MACROD2: variants seen among roughly 807,000 people sequenced by gnomAD.
MACROD2 encodes mono-ADP ribosylhydrolase 2.
Under a neutral mutation model 70.4 loss-of-function variants are expected in MACROD2, and 36 were observed. The observed-to-expected ratio is 0.51, with a 90% confidence interval of 0.39 to 0.68. The LOEUF (loss-of-function observed/expected upper bound fraction) is 0.68. Ranked by LOEUF, MACROD2 falls within the 30% of genes least tolerant of loss-of-function variation. The pLI is 0.00. For synonymous variants in MACROD2, 172 were observed against 178.8 expected (o/e 0.96, Z 0.30); for missense variants, 496 against 538.4 (o/e 0.92, Z 0.78).
chr20:14,387,501 T>C (rs6135135), intron 3 of MACROD2, among the ~76,000 whole-genome samples: 49,127 of 152,118 alleles, frequency 0.32, 8,147 homozygotes, highest in Admixed American at 0.4. Flanking sequence ...AAAAAGTGTC[T>C]ATCTTTTTAA....
At chr20:16,011,021 T>C (rs2066856219) in intron 15 of MACROD2, among the ~76,000 whole-genome samples, 1 of 152,198 alleles carries the variant, frequency 6.6e-6, no homozygotes, top group Non-Finnish European at 1.5e-5. Flanking sequence ...TGTATAACAC[T>C]TGGGACAGAG....
At chr20:15,602,015 G>A (rs200781) in intron 8 of MACROD2, among the ~76,000 whole-genome samples, 15,425 of 144,298 alleles carry the variant, frequency 0.11, 873 homozygotes, top group Middle Eastern at 0.14. Context: ...ACAACAGAGC[G>A]AGACTCAGTC....
chr20:15,455,755 A>G (rs2046716193), intron 7 of MACROD2, among the ~76,000 whole-genome samples: 1 of 151,932 alleles, frequency 6.6e-6, no homozygotes, highest in African/African-American at 2.4e-5. Context: ...TTCATTACCC[A>G]TTTTTCTTTC....
chr20:15,628,765 A>C (rs1385692937), intron 8 of MACROD2, among the ~76,000 whole-genome samples: 1 of 152,226 alleles, frequency 6.6e-6, no homozygotes, highest in Non-Finnish European at 1.5e-5. Flanking sequence ...GTCTGGGTTC[A>C]GCTGGAATGA....
chr20:14,616,453 C>T (rs1192664573), intron 4 of MACROD2, among the ~76,000 whole-genome samples: 1 of 152,030 alleles, frequency 6.6e-6, no homozygotes, highest in Non-Finnish European at 1.5e-5. Flanking sequence ...AATTCAAATT[C>T]TCTTTAAATG....
At chr20:14,004,093 C>G (rs1486085739) in intron 2 of MACROD2, among the ~76,000 whole-genome samples, 1 of 152,176 alleles carries the variant, frequency 6.6e-6, no homozygotes, top group East Asian at 1.9e-4. Context: ...GCTGGTTCAG[C>G]ATTCCTAATC....
At chr20:15,704,238 C>T (rs1469014161) in intron 8 of MACROD2, among the ~76,000 whole-genome samples, 1 of 152,114 alleles carries the variant, frequency 6.6e-6, no homozygotes, top group Non-Finnish European at 1.5e-5. Flanking sequence ...TTCTCTGAAT[C>T]CTTTAGCCTG....
intron 5 of MACROD2, among the ~76,000 whole-genome samples, chr20:15,205,976 A>G (rs950048741): frequency 6.6e-6 from 1 of 152,110 alleles, no homozygotes; most frequent in African/African-American, 2.4e-5. Flanking sequence ...CAGTAAAGCA[A>G]TTTGCAAGGA....
At chr20:15,294,094 C>G (rs1362380936) in intron 6 of MACROD2, among the ~76,000 whole-genome samples, 1 of 145,126 alleles carries the variant, frequency 6.9e-6, no homozygotes, top group African/African-American at 2.6e-5. Context: ...GCACTCCAGC[C>G]TGGGTGACAA....
chr20:14,673,136 A>G (rs1010538381), intron 4 of MACROD2, among the ~76,000 whole-genome samples: 28 of 152,190 alleles, frequency 1.8e-4, no homozygotes, highest in Non-Finnish European at 2.9e-4. Flanking sequence ...CTTGCTTTCA[A>G]TGCAGACTTT....
At chr20:14,039,425 A>G (rs976642259) in intron 2 of MACROD2, among the ~76,000 whole-genome samples, 6 of 152,188 alleles carry the variant, frequency 3.9e-5, no homozygotes, top group Non-Finnish European at 8.8e-5. Flanking sequence ...GTCTTGTTTT[A>G]AATCTTATGT....
chr20:14,610,506 A>C lies in MACROD2; in HGVS notation c.302-74337A>C, dbSNP rs535677977. On this transcript the variant is annotated intron_variant, in intron 4 of 17. Transcript: ENST00000684519. Reference sequence around the variant, plus strand: ...CACTGCTAAGTTCATTTCTCAGGTCAGCAATAATGTTGGGATAAATTCATA... The same window carrying C: ...CACTGCTAAGTTCATTTCTCAGGTCCGCAATAATGTTGGGATAAATTCATA... 1.5e-3 allele frequency among the ~76,000 whole-genome samples: 221 copies of C among 152,246 alleles called. 1 individual carries two copies. The highest frequency in any genetic ancestry group is 2.6e-3 in the Non-Finnish European group (180 of 67,992).
intron 5 of MACROD2, among the ~76,000 whole-genome samples, chr20:15,055,797 CTTT>C (rs11482233): frequency 1.5e-5 from 2 of 136,794 alleles, no homozygotes. Context: ...AAAGCAACAT[CTTT>C]TTTTTTTTTT....
intron 9 of MACROD2, among the ~76,000 whole-genome samples, chr20:15,867,788 C>T (rs547549269): frequency 1.2e-4 from 19 of 152,054 alleles, no homozygotes; most frequent in Admixed American, 3.9e-4. Context: ...CGGTTTATAA[C>T]GGTATTAAAG....
chr20:14,732,382 A>G (rs2071609549), intron 5 of MACROD2, among the ~76,000 whole-genome samples: 2 of 152,128 alleles, frequency 1.3e-5, no homozygotes, highest in Admixed American at 6.6e-5. Flanking sequence ...TGTTTTCATA[A>G]CTTCAACCTT....
At chr20:14,479,583 T>C (rs1326488748) in intron 3 of MACROD2, among the ~76,000 whole-genome samples, 1 of 152,140 alleles carries the variant, frequency 6.6e-6, no homozygotes, top group Non-Finnish European at 1.5e-5. Flanking sequence ...CAGTTCACCC[T>C]CCTTTTGCAC....
chr20:14,259,894 C>T (rs1034299402), intron 3 of MACROD2, among the ~76,000 whole-genome samples: 1 of 152,124 alleles, frequency 6.6e-6, no homozygotes, highest in African/African-American at 2.4e-5. Context: ...TCAGTTGTTA[C>T]AGAACAGCAT....
At chr20:14,341,103 A>G (rs1274793803) in intron 3 of MACROD2, among the ~76,000 whole-genome samples, 1 of 152,218 alleles carries the variant, frequency 6.6e-6, no homozygotes, top group Non-Finnish European at 1.5e-5. Flanking sequence ...AAGCTACCTC[A>G]TTCACACATT....
intron 8 of MACROD2, among the ~76,000 whole-genome samples, chr20:15,643,459 C>T (rs1166721268): frequency 1.3e-5 from 2 of 152,146 alleles, no homozygotes; most frequent in South Asian, 4.1e-4. Flanking sequence ...CAGCATAACC[C>T]CATTTAATTT....
Sources: allele counts gnomAD v4.1 joint callset (sites outside exome capture counted in the v4.1 genomes callset), GRCh38; gene constraint gnomAD v4.1.1; transcripts MANE v1.5; gene names NCBI Gene and HGNC (gene_info 2026-07-23, HGNC 2026-07-21).